The following MAST4 variants were observed in gnomAD, a reference collection of about 807,000 sequenced individuals.
MAST4 encodes microtubule-associated serine/threonine-protein kinase 4.
A neutral mutation model predicts 162.7 loss-of-function variants in MAST4; 89 were observed. The ratio of observed to expected loss-of-function variants is 0.55; its 90% CI spans 0.46 to 0.65. The LOEUF is 0.65. MAST4 is among the 30% of genes least tolerant of loss of function. The pLI, the probability that MAST4 is intolerant of heterozygous loss-of-function variation, is 0.00. For missense variants in MAST4, 3,153 were observed against 3,374.0 expected, an observed-to-expected ratio of 0.93 and a Z score of 1.62; for synonymous variants, 1,479 against 1,361.1, an observed-to-expected ratio of 1.09 and a Z score of -1.91.
intron 1 of MAST4, among the ~76,000 whole-genome samples, chr5:66,693,058 A>G (rs1749153297): frequency 6.6e-6 from 1 of 151,640 alleles, no homozygotes; most frequent in African/African-American, 2.4e-5. Flanking sequence ...AATAGTACAA[A>G]GGTTACAAAA....
chr5:67,071,909 T>G (rs1354753791), intron 5 of MAST4, among the ~76,000 whole-genome samples: 1 of 151,598 alleles, frequency 6.6e-6, no homozygotes, highest in African/African-American at 2.4e-5. Context: ...AATTCACTAA[T>G]AGCAATATAG....
chr5:66,921,592 A>C (rs959750174), intron 4 of MAST4, among the ~76,000 whole-genome samples: 48 of 151,986 alleles, frequency 3.2e-4, no homozygotes, highest in African/African-American at 1.1e-3. Context: ...CCTCATCTCT[A>C]CTAAAAAAAA....
At chr5:66,685,388 TG>T (rs2149489446) in intron 1 of MAST4, among the ~76,000 whole-genome samples, 1 of 152,170 alleles carries the variant, frequency 6.6e-6, no homozygotes, top group African/African-American at 2.4e-5. Context: ...GATAATTTGG[TG>T]TATTTTAAAG....
chr5:67,141,082 C>G (rs530094074), intron 19 of MAST4, among the ~76,000 whole-genome samples: 21 of 152,248 alleles, frequency 1.4e-4, no homozygotes, highest in Non-Finnish European at 1.3e-4. Context: ...GACAGCAACC[C>G]CCAACCAAGA....
chr5:66,989,546 C>T (rs1749854626), intron 4 of MAST4, among the ~76,000 whole-genome samples: 1 of 152,144 alleles, frequency 6.6e-6, no homozygotes, highest in Admixed American at 6.5e-5. Flanking sequence ...TTGATCAAAA[C>T]CCCTATCCAC....
chr5:66,807,671 C>T (rs937993822), intron 3 of MAST4, among the ~76,000 whole-genome samples: 2 of 152,124 alleles, frequency 1.3e-5, no homozygotes, highest in African/African-American at 4.8e-5. Context: ...CCCACTTTCC[C>T]TGCATAGAGG....
chr5:66,967,234 G>A (rs1297790044), intron 4 of MAST4, among the ~76,000 whole-genome samples: 2 of 152,108 alleles, frequency 1.3e-5, no homozygotes, highest in African/African-American at 4.8e-5. Flanking sequence ...GACACACAGA[G>A]TTTCTAAATA....
chr5:66,835,105 T>C (rs1407217977), intron 3 of MAST4, among the ~76,000 whole-genome samples: 1 of 152,222 alleles, frequency 6.6e-6, no homozygotes, highest in Admixed American at 6.5e-5. Flanking sequence ...CATTATGTCC[T>C]TGGCTTTTAT....
At chr5:67,126,337 G>T (rs1768229187) in intron 14 of MAST4, among the ~76,000 whole-genome samples, 1 of 152,100 alleles carries the variant, frequency 6.6e-6, no homozygotes, top group Admixed American at 6.5e-5. Context: ...TGTCCTGAAT[G>T]GTATTACCTA....
chr5:66,605,477 C>T (rs566869234), intron 1 of MAST4, among the ~76,000 whole-genome samples: 138 of 152,234 alleles, frequency 9.1e-4, no homozygotes, highest in African/African-American at 2.9e-3. Context: ...AGCAGGAGAG[C>T]GAATGAGAGG....
intron 14 of MAST4, among the ~76,000 whole-genome samples, chr5:67,126,590 T>G (rs116378004): frequency 1.7e-3 from 257 of 152,274 alleles, no homozygotes; most frequent in African/African-American, 5.9e-3. Context: ...TCCGTTCTGT[T>G]CTATTGGTCT....
intron 4 of MAST4, among the ~76,000 whole-genome samples, chr5:66,951,638 G>GTGTGTGTATGTATT (rs1744714027): frequency 6.7e-6 from 1 of 149,394 alleles, no homozygotes; most frequent in Non-Finnish European, 1.5e-5. Context: ...GTGTGTGTGT[G>GTGTGTGTATGTATT]TGTGTGTGTG....
At position 67,166,219 on chromosome 5, in the gene MAST4, AACAG is replaced by A. The variant is rs1561213787; in HGVS notation, c.7048_7051del (p.Asp2350ThrfsTer50). 3.2e-6 allele frequency: 5 copies of A among 1,552,268 alleles called. No individual in the cohort carries two copies. The highest frequency in any genetic ancestry group is 3.5e-6 in the Non-Finnish European group (4 of 1,147,402). On this transcript the variant is annotated frameshift_variant, in exon 29 of 29. Transcript: ENST00000403625. LOFTEE classifies it low-confidence loss of function (END_TRUNC). ...GTGAAAGATTGCCCCACCCTGTGCAAACAGACAGACAACAGACAGACAGACAAAA... is the reference window on the plus strand; with the variant it reads ...GTGAAAGATTGCCCCACCCTGTGCAAACAGACAACAGACAGACAGACAAAA...
intron 2 of MAST4, among the ~76,000 whole-genome samples, chr5:66,776,275 T>C (rs778049321): frequency 6.6e-6 from 1 of 152,160 alleles, no homozygotes; most frequent in Non-Finnish European, 1.5e-5. Context: ...TTGTCAGAAA[T>C]GTTTTGTGTC....
chr5:66,771,628 G>A (rs1472802519), intron 2 of MAST4, among the ~76,000 whole-genome samples: 1 of 152,130 alleles, frequency 6.6e-6, no homozygotes, highest in African/African-American at 2.4e-5. Context: ...TTAGGTTCTA[G>A]CGTGATTCTA....
chr5:67,118,433 T>C (rs765784177), intron 12 of MAST4, among the ~76,000 whole-genome samples: 1 of 152,202 alleles, frequency 6.6e-6, no homozygotes, highest in Non-Finnish European at 1.5e-5. Context: ...TGAGTTCCTA[T>C]GCCCAGCCTC....
chr5:66,966,757 T>A (rs1482738990), intron 4 of MAST4, among the ~76,000 whole-genome samples: 1 of 152,212 alleles, frequency 6.6e-6, no homozygotes, highest in Non-Finnish European at 1.5e-5. Flanking sequence ...GTTAAATAGT[T>A]AGCAATCTTT....
chr5:66,979,186 C>T (rs973042585), intron 4 of MAST4, among the ~76,000 whole-genome samples: 1 of 152,074 alleles, frequency 6.6e-6, no homozygotes, highest in Non-Finnish European at 1.5e-5. Context: ...GCACAGCAGC[C>T]AAGTAGAAAG....
chr5:66,858,433 C>A (rs1002871059), intron 3 of MAST4, among the ~76,000 whole-genome samples: 4 of 152,064 alleles, frequency 2.6e-5, no homozygotes, highest in Non-Finnish European at 5.9e-5. Flanking sequence ...GTATCATTTA[C>A]TTAGTGTGTC....
Sources: gnomAD v4.1 joint callset for allele counts (sites outside exome capture counted in the v4.1 genomes callset) on GRCh38, gnomAD v4.1.1 for gene constraint, MANE v1.5 for transcripts, NCBI Gene and HGNC (gene_info 2026-07-23, HGNC 2026-07-21) for gene names.